Variants in PIKFYVE observed in about 807,000 individuals in gnomAD.
PIKFYVE encodes the protein 1-phosphatidylinositol 3-phosphate 5-kinase.
A neutral mutation model predicts 257.9 loss-of-function variants in PIKFYVE; 122 were observed. The observed-to-expected ratio is 0.47, with a 90% CI of 0.41 to 0.55. PIKFYVE has a LOEUF of 0.55. Among genes scored for constraint, PIKFYVE ranks in the 20% least tolerant of loss-of-function variants. The pLI, the probability that PIKFYVE is intolerant of heterozygous loss-of-function variation, is 0.00. For synonymous variants in PIKFYVE, 892 were observed against 868.9 expected, an observed-to-expected ratio of 1.03 and a Z score of -0.47; for missense variants, 2,160 against 2,536.6, an observed-to-expected ratio of 0.85 and a Z score of 3.19.
chr2:208,308,296 G>A (rs1278979048), intron 12 of PIKFYVE, among the ~76,000 whole-genome samples: 5 of 152,040 alleles, frequency 3.3e-5, no homozygotes, highest in Non-Finnish European at 5.9e-5. Flanking sequence ...AGCTATTTGG[G>A]AGGCTGAGGT....
chr2:208,312,129 G>T (rs1199860580), intron 12 of PIKFYVE, 107 bp from the exon 13 acceptor site: 9 of 840,128 alleles, frequency 1.1e-5, no homozygotes, highest in Admixed American at 1.9e-5. Context: ...GGTTTAGTAT[G>T]AGTAATATTT....
Position 208,347,966 on chromosome 2 carries a change from T to C in PIKFYVE, c.5317T>C (p.Tyr1773His), listed in dbSNP as rs749926137. Residue 1773 changes from tyrosine to histidine, a missense_variant, in exon 35 of 42, where the codon TAC (tyrosine) becomes CAC (histidine). Around this residue, in one of 12 missense-constraint regions of PIKFYVE, gnomAD observed 699 missense variants for 855.8 expected, o/e 0.82. Transcript: ENST00000264380. The part of the protein sequence containing the change: ...ETLRGADSAY[Y>H]QVGQTGKEGT... ...CTTACGTGGAGCAGATAGTGCTTAC[T>C]ACCAGGTTGGGCAGACGGGCAAGGA... is the stretch of plus-strand genomic sequence containing the variant. 1 of 1,614,158 alleles carries C rather than the reference T, an allele frequency of 6.2e-7. No individual in the cohort carries two copies. Among genetic ancestry groups the C allele is most frequent in the South Asian group, 1.1e-5 (1 of 91,082 alleles).
In PIKFYVE at chr2:208,354,642, C is replaced by G. The variant is rs1700045926; in HGVS notation, c.6178C>G (p.Gln2060Glu). The G allele has an allele frequency of 6.2e-7, 1 of 1,610,498 alleles. No homozygotes were observed. The part of the protein sequence containing the change: ...VVKSTGILGG[Q>E]GKMPTVVSPE... ...GAAATCAACAGGAATTTTAGGTGGA[C>G]AAGGTGAGAATTTTTGTTTTGTTTA... The change falls in exon 41 of 42, where the codon CAA becomes GAA. Residue 2060 changes from glutamine to glutamate, a missense_variant. Coordinates refer to ENST00000264380, the MANE Select transcript of PIKFYVE (RefSeq NM_015040.4).
chr2:208,330,135 C>T (rs1016392323), intron 22 of PIKFYVE, among the ~76,000 whole-genome samples: 1 of 152,154 alleles, frequency 6.6e-6, no homozygotes, highest in South Asian at 2.1e-4. Flanking sequence ...TCTAATTACC[C>T]TACCATCAAC....
intron 31 of PIKFYVE, among the ~76,000 whole-genome samples, chr2:208,341,134 A>C (rs1182977524): frequency 1.3e-5 from 2 of 151,562 alleles, no homozygotes; most frequent in Non-Finnish European, 2.9e-5. Flanking sequence ...CAGCTTCCCA[A>C]GTAACTGGGA....
chr2:208,283,768 G>A (rs1162796801), intron 5 of PIKFYVE, among the ~76,000 whole-genome samples: 3 of 151,386 alleles, frequency 2.0e-5, no homozygotes, highest in Non-Finnish European at 2.9e-5. Flanking sequence ...ATTTTTTATT[G>A]ATGTGGGGTC....
chr2:208,349,080 A>C (rs11695873), intron 35 of PIKFYVE, among the ~76,000 whole-genome samples: 141,478 of 152,200 alleles, frequency 0.93, 66,296 homozygotes, highest in Non-Finnish European at 0.98. Flanking sequence ...CGAGAACTGC[A>C]TGAACCCAGG....
intron 40 of PIKFYVE, 149 bp from the exon 41 acceptor site, chr2:208,354,422 G>A (rs934182369): frequency 4.9e-5 from 42 of 852,796 alleles, no homozygotes; most frequent in Non-Finnish European, 7.7e-5. Flanking sequence ...AATTAGTGTG[G>A]AGAAACCCTG....
rs530680500 is a variant in PIKFYVE, at chr2:208,290,782, T to G, written c.911+1964T>G. Among the ~76,000 whole-genome samples, 13 of 152,298 alleles carry G rather than the reference T, an allele frequency of 8.5e-5. No individual in the cohort carries two copies. The South Asian group carries it at 2.5e-3, about 29-fold the overall frequency. ...TTTCACATCCTCATCACATTTGGTG[T>G]TGTCAGTTTTGGATTTTGGCAGTTT... On this transcript the variant is annotated intron_variant, in intron 7 of 41. Coordinates refer to ENST00000264380, the MANE Select transcript of PIKFYVE (RefSeq NM_015040.4).
At chr2:208,300,127 G>T (rs1693501090) in intron 8 of PIKFYVE, among the ~76,000 whole-genome samples, 1 of 152,088 alleles carries the variant, frequency 6.6e-6, no homozygotes, top group Non-Finnish European at 1.5e-5. Flanking sequence ...ATAAAAAAGT[G>T]TCAAATAAAT....
chr2:208,313,372 T>A (rs1695136410), intron 13 of PIKFYVE, among the ~76,000 whole-genome samples: 3 of 152,118 alleles, frequency 2.0e-5, no homozygotes, highest in African/African-American at 7.2e-5. Context: ...TGTTTTTGAG[T>A]CTGTCTTGCT....
chr2:208,267,674 T>G (rs1356372636), intron 1 of PIKFYVE, among the ~76,000 whole-genome samples: 1 of 151,984 alleles, frequency 6.6e-6, no homozygotes, highest in Non-Finnish European at 1.5e-5. Context: ...ACTCGGCTAA[T>G]TTTTGTATTT....
chr2:208,314,628 G>A (rs765803060), intron 14 of PIKFYVE, among the ~76,000 whole-genome samples: 5 of 152,366 alleles, frequency 3.3e-5, no homozygotes, highest in Middle Eastern at 3.4e-3. Flanking sequence ...GCTGGGTGCA[G>A]TGGCTCACGC....
intron 3 of PIKFYVE, among the ~76,000 whole-genome samples, chr2:208,275,842 C>T (rs1400859203): frequency 3.3e-5 from 5 of 152,138 alleles, no homozygotes; most frequent in Admixed American, 1.3e-4. Flanking sequence ...TTTGTCAAAA[C>T]GTCTTTGCTT....
rs1381299591 is a variant in PIKFYVE at position 208,329,928 on chromosome 2, C to A, written c.3791+15C>A. 1.9e-6 allele frequency: 3 copies of A among 1,609,022 alleles called. No homozygotes were observed. The highest frequency in any genetic ancestry group is 1.7e-6 in the Non-Finnish European group (2 of 1,176,874). ...TACTGTTTCAGGTAAGAACATATTT[C>A]TTCCTTCTGTTCCATTACACATTTT... is the stretch of plus-strand genomic sequence containing the variant. On this transcript the variant is annotated intron_variant, in intron 22 of 41. Transcript: ENST00000264380.
Position 208,339,549 on chromosome 2 carries a change from T to TAAGTAGAGG in PIKFYVE, c.4804_4805insAAGTAGAGG (p.Ser1602delinsTer), listed in dbSNP as rs1203562742. 1 of 1,614,140 alleles carries TAAGTAGAGG rather than the reference T, an allele frequency of 6.2e-7. No homozygotes were observed. Among genetic ancestry groups the TAAGTAGAGG allele is most frequent in the African/African-American group, 1.3e-5 (1 of 75,026 alleles). On this transcript the variant is annotated stop_gained, in exon 30 of 42. Coordinates refer to ENST00000264380, the MANE Select transcript of PIKFYVE (RefSeq NM_015040.4). LOFTEE classifies it high-confidence loss of function. ...CCCTGAGCTAGATACAGCCAGCAGT[T>TAAGTAGAGG]CCGAAGGTAGAGGTTAAGTCACTTT...
At chr2:208,308,936 G>T (rs62195266) in intron 12 of PIKFYVE, among the ~76,000 whole-genome samples, 1 of 152,042 alleles carries the variant, frequency 6.6e-6, no homozygotes, top group Non-Finnish European at 1.5e-5. Flanking sequence ...TCTAACTCCT[G>T]ATCTCAGGCA....
At chr2:208,326,962 A>G (rs1328282328) in intron 20 of PIKFYVE, among the ~76,000 whole-genome samples, 1 of 152,196 alleles carries the variant, frequency 6.6e-6, no homozygotes, top group Admixed American at 6.5e-5. Context: ...TAGATCCATT[A>G]TTGATAATGG....
intron 30 of PIKFYVE, 124 bp downstream of exon 30, chr2:208,339,679 G>A (rs1462538684): frequency 3.1e-6 from 4 of 1,303,842 alleles, no homozygotes; most frequent in East Asian, 5.0e-5. Context: ...ACAGATTCAT[G>A]CCTTGCTTTC....
Sources: allele counts gnomAD v4.1 joint callset (sites outside exome capture counted in the v4.1 genomes callset), GRCh38; gene constraint gnomAD v4.1.1; regional missense constraint gnomAD v4.1.1; transcripts MANE v1.5; gene names NCBI Gene and HGNC (gene_info 2026-07-23, HGNC 2026-07-21).